The following CMTM4 variants were observed in gnomAD, a reference collection of about 807,000 sequenced individuals.
CMTM4 encodes CKLF-like MARVEL transmembrane domain-containing protein 4.
In CMTM4, 8 loss-of-function variants were observed where a neutral mutation model predicts 19.0. The ratio of observed to expected loss-of-function variants is 0.42; its 90% CI spans 0.25 to 0.76. CMTM4 has a LOEUF of 0.76. Among genes scored for constraint, CMTM4 ranks in the 30% least tolerant of loss-of-function variants. The probability of loss-of-function intolerance (pLI) is 0.27; values close to 1 mark genes in which losing one functional copy is unlikely to be tolerated. For missense variants in CMTM4, 228 were observed against 290.2 expected, an observed-to-expected ratio of 0.79 and a Z score of 1.56; for synonymous variants, 106 against 121.1, an observed-to-expected ratio of 0.88 and a Z score of 0.82.
intron 1 of CMTM4, among the ~76,000 whole-genome samples, chr16:66,681,157 A>T (rs968870547): frequency 6.6e-6 from 1 of 152,112 alleles, no homozygotes; most frequent in African/African-American, 2.4e-5. Flanking sequence ...TGGGAGGCTG[A>T]GGCAGAAGGA....
At chr16:66,603,637 A>G in the CMTM4 span, among the ~76,000 whole-genome samples, 1 of 152,178 alleles carries the variant, frequency 6.6e-6, no homozygotes, top group Non-Finnish European at 1.5e-5. Flanking sequence ...AAAGCACCCT[A>G]TGAAATATAA....
the CMTM4 span, chr16:66,609,623 G>GC: frequency 7.9e-6 from 12 of 1,512,930 alleles, no homozygotes; most frequent in African/African-American, 1.4e-5. The surrounding 1 kb of genome is among the most constrained non-coding windows in gnomAD (Gnocchi z 4.4). Flanking sequence ...CCCTGCTGGG[G>GC]CCCCCCTGGG....
At chr16:66,680,701 G>A (rs2016896334) in intron 1 of CMTM4, among the ~76,000 whole-genome samples, 2 of 146,808 alleles carry the variant, frequency 1.4e-5, no homozygotes, top group African/African-American at 5.0e-5. Flanking sequence ...ATGAACCTGG[G>A]AGGCAGAGCT....
intron 2 of CMTM4, among the ~76,000 whole-genome samples, chr16:66,631,564 CTT>C (rs1596912651): frequency 6.6e-6 from 1 of 152,120 alleles, no homozygotes; most frequent in Admixed American, 6.6e-5. Context: ...ACTTGGGAGA[CTT>C]TTCATTTTGT....
chr16:66,610,633 G>T (rs576538857), downstream of CMTM4, among the ~76,000 whole-genome samples: 2 of 152,234 alleles, frequency 1.3e-5, no homozygotes, highest in African/African-American at 4.8e-5. This position sits in a 1 kb window ranked among gnomAD's most constrained non-coding sequence, Gnocchi z 4.6. Flanking sequence ...GACCAGGCCG[G>T]TGTAGGGAAG....
At chr16:66,609,258 GGCA>G in the CMTM4 span, 2 of 606,992 alleles carry the variant, frequency 3.3e-6, no homozygotes, top group African/African-American at 3.7e-5. This position sits in a 1 kb window ranked among gnomAD's most constrained non-coding sequence, Gnocchi z 4.4. Flanking sequence ...CTGCTGGCAA[GGCA>G]GCAGAGGCAC....
At chr16:66,611,463 G>A (rs973148023), downstream of CMTM4, among the ~76,000 whole-genome samples, 7 of 151,936 alleles carry the variant, frequency 4.6e-5, no homozygotes, top group African/African-American at 1.5e-4. Flanking sequence ...GGAAAAAATT[G>A]AATATAGCAA....
Position 66,680,763 on chromosome 16 carries a change from G to A in CMTM4, c.186+15577C>T, listed in dbSNP as rs534362054. 5.7e-3 allele frequency among the ~76,000 whole-genome samples: 573 copies of A among 100,422 alleles called. 2 individuals are homozygous for A. The Middle Eastern group carries it at 0.07, about 12-fold the overall frequency. The allele number at this position is 100,422 out of a possible 152,430, so 65.9% of individuals were successfully genotyped here. A position where few individuals can be genotyped will look rare whatever the true frequency, so the allele number is the denominator to read the frequency against. ...CACTCCAGCCTGGGCAACAGAGCAA[G>A]ACTCCGTCTCAAAAAAAAAAAAAAA... On this transcript the variant is annotated intron_variant, in intron 1 of 3. Transcript: ENST00000394106.
chr16:66,642,886 T>C (rs967972216), intron 1 of CMTM4, among the ~76,000 whole-genome samples: 6 of 152,336 alleles, frequency 3.9e-5, no homozygotes, highest in Admixed American at 2.0e-4. Context: ...TAACTTTCTG[T>C]CACAGCTTCT....
Position 66,619,019 on chromosome 16 carries a change from T to C in CMTM4, c.*3039A>G. On this transcript the variant is annotated 3_prime_UTR_variant, in exon 4 of 4. Coordinates refer to ENST00000394106, the MANE Select transcript of CMTM4 (RefSeq NM_181521.3). Reference sequence around the variant, plus strand: ...TTCTTGCTTTTTCTGTAGACAAAAGTCACCTCCCTCGGATGGCTGTTTACT... The same window carrying C: ...TTCTTGCTTTTTCTGTAGACAAAAGCCACCTCCCTCGGATGGCTGTTTACT... 2 of 985,494 alleles carry C rather than the reference T, an allele frequency of 2.0e-6. No individual in the cohort carries two copies. The highest frequency in any genetic ancestry group is 2.4e-6 in the Non-Finnish European group (2 of 829,948). 61.0% of individuals were successfully genotyped at this position (985,494 alleles called of 1,614,324 possible). A position where few individuals can be genotyped will look rare whatever the true frequency, so the allele number is the denominator to read the frequency against.
chr16:66,608,677 G>A, the CMTM4 span, among the ~76,000 whole-genome samples: 11 of 152,220 alleles, frequency 7.2e-5, no homozygotes, highest in Non-Finnish European at 1.5e-4. The surrounding 1 kb of genome is among the most constrained non-coding windows in gnomAD (Gnocchi z 5.1). Flanking sequence ...TCTAGAGCAG[G>A]TCTGTGAGGC....
chr16:66,645,555 C>A (rs754779270), intron 1 of CMTM4, among the ~76,000 whole-genome samples: 1 of 151,912 alleles, frequency 6.6e-6, no homozygotes, highest in Admixed American at 6.6e-5. Flanking sequence ...CCAGCCTGGG[C>A]GACAGAGACT....
Position 66,616,626 on chromosome 16 carries a change from T to TA in CMTM4, c.*5431dup, listed in dbSNP as rs1313705634. On this transcript the variant is annotated 3_prime_UTR_variant, in exon 4 of 4. Coordinates refer to ENST00000394106, the MANE Select transcript of CMTM4 (RefSeq NM_181521.3). ...GCCAGGTCTCCCTTCAAACCCTGAG[T>TA]ATTTGCCTTCCTCACTTCTGCGAAG... The TA allele has an allele frequency of 1.3e-5, 2 of 152,092 alleles. No individual in the cohort carries two copies. The highest frequency in any genetic ancestry group is 2.9e-5 in the Non-Finnish European group (2 of 68,040). 9.4% of individuals were successfully genotyped at this position (152,092 alleles called of 1,614,324 possible).
chr16:66,633,938 G>C (rs567189005), intron 2 of CMTM4, among the ~76,000 whole-genome samples: 1 of 152,004 alleles, frequency 6.6e-6, no homozygotes, highest in East Asian at 1.9e-4. Flanking sequence ...GGATCCCAAA[G>C]AACAGGATCG....
intron 1 of CMTM4, among the ~76,000 whole-genome samples, chr16:66,660,301 T>C (rs72790484): frequency 0.039 from 5,807 of 150,348 alleles, 206 homozygotes; most frequent in East Asian, 0.16. Flanking sequence ...GGTAGGAGGA[T>C]TGCTTGAGCC....
chr16:66,670,946 T>C (rs1427315337), intron 1 of CMTM4, among the ~76,000 whole-genome samples: 4 of 152,230 alleles, frequency 2.6e-5, no homozygotes, highest in African/African-American at 4.8e-5. Context: ...TAACTGTTAA[T>C]GGGAGTCCTC....
chr16:66,624,510 T>C (rs2015698169), intron 2 of CMTM4, among the ~76,000 whole-genome samples: 1 of 152,248 alleles, frequency 6.6e-6, no homozygotes, highest in Non-Finnish European at 1.5e-5. Flanking sequence ...CTCATGCCTG[T>C]AATCCCAGCA....
chr16:66,618,965 T>C lies in CMTM4; in HGVS notation c.*3093A>G, dbSNP rs749367811. On this transcript the variant is annotated 3_prime_UTR_variant, in exon 4 of 4. Transcript: ENST00000394106. Reference sequence around the variant, plus strand: ...CTTCAGCTCACATTGCCAAGGAAGATGTGTATTGGGGCTGTGCAGGCTGCC... The same window carrying C: ...CTTCAGCTCACATTGCCAAGGAAGACGTGTATTGGGGCTGTGCAGGCTGCC... The C allele has an allele frequency of 3.0e-6, 3 of 985,336 alleles. No individual in the cohort carries two copies. Among genetic ancestry groups the C allele is most frequent in the Non-Finnish European group, 3.6e-6 (3 of 829,952 alleles). 61.0% of individuals were successfully genotyped at this position (985,336 alleles called of 1,614,324 possible). A position where few individuals can be genotyped will look rare whatever the true frequency, so the allele number is the denominator to read the frequency against.
At chr16:66,657,570 G>A (rs2016422136) in intron 1 of CMTM4, among the ~76,000 whole-genome samples, 1 of 152,152 alleles carries the variant, frequency 6.6e-6, no homozygotes, top group Non-Finnish European at 1.5e-5. Flanking sequence ...GACAGTAGAG[G>A]AAGGATAAAG....
Sources: gnomAD v4.1 joint callset for allele counts (sites outside exome capture counted in the v4.1 genomes callset) on GRCh38, gnomAD v4.1.1 for gene constraint, Gnocchi (gnomAD v3.1) non-coding constraint, MANE v1.5 for transcripts, NCBI Gene and HGNC (gene_info 2026-07-23, HGNC 2026-07-21) for gene names.